Variants in TMCO1 observed in about 807,000 individuals in gnomAD.
TMCO1 encodes the protein transmembrane and coiled-coil domains 1.
In TMCO1, 29 loss-of-function variants were observed where a neutral mutation model predicts 29.3. The observed-to-expected ratio is 0.99, with a 90% CI of 0.74 to 1.35. The LOEUF is 1.35. TMCO1 is among the 40% of genes most tolerant of loss of function. The probability of loss-of-function intolerance (pLI) is 0.00; values close to 1 mark genes in which losing one functional copy is unlikely to be tolerated. For synonymous variants in TMCO1, 80 were observed against 77.1 expected (o/e 1.04, Z -0.20); for missense variants, 173 against 225.5 (o/e 0.77, Z 1.49).
At chr1:165,745,067 C>T (rs898708970) in intron 5 of TMCO1, among the ~76,000 whole-genome samples, 1 of 151,960 alleles carries the variant, frequency 6.6e-6, no homozygotes, top group South Asian at 2.1e-4. Flanking sequence ...GTCATTCAGG[C>T]TGGAATGCAG....
At chr1:165,767,643 C>T (rs7518099) in intron 2 of TMCO1, among the ~76,000 whole-genome samples, 135,907 of 152,268 alleles carry the variant, frequency 0.89, 60,767 homozygotes, top group East Asian at 0.99. Flanking sequence ...CCATCAGCAT[C>T]ATGAAGGCTA....
At chr1:165,739,782 C>T (rs1235658942) in intron 6 of TMCO1, among the ~76,000 whole-genome samples, 2 of 151,714 alleles carry the variant, frequency 1.3e-5, no homozygotes, top group Non-Finnish European at 1.5e-5. Context: ...ACTATTGATC[C>T]ATCACAAGTA....
chr1:165,736,725 A>AG (rs199683966), intron 6 of TMCO1, among the ~76,000 whole-genome samples: 2 of 139,716 alleles, frequency 1.4e-5, no homozygotes, highest in Non-Finnish European at 3.2e-5. Context: ...CATCTCAAAA[A>AG]AAAAAAAAAC....
intron 5 of TMCO1, among the ~76,000 whole-genome samples, chr1:165,750,841 G>GA (rs1472013461): frequency 4.0e-5 from 6 of 151,798 alleles, no homozygotes; most frequent in African/African-American, 1.5e-4. Context: ...AGGCCTGGGT[G>GA]GGAGGATCAC....
chr1:165,730,189 A>G (rs1651091238), intron 6 of TMCO1, among the ~76,000 whole-genome samples: 1 of 146,436 alleles, frequency 6.8e-6, no homozygotes, highest in Non-Finnish European at 1.5e-5. Flanking sequence ...AAAAAAAATT[A>G]GCCGGGAGAG....
At chr1:165,745,143 C>T (rs1651745811) in intron 5 of TMCO1, among the ~76,000 whole-genome samples, 2 of 151,722 alleles carry the variant, frequency 1.3e-5, no homozygotes, top group Non-Finnish European at 2.9e-5. Flanking sequence ...GCCTCAGCCT[C>T]CCAGGAAGGT....
chr1:165,750,553 GAA>G (rs60005937), intron 5 of TMCO1, among the ~76,000 whole-genome samples: 11 of 102,022 alleles, frequency 1.1e-4, no homozygotes, highest in African/African-American at 3.0e-4. Context: ...AAAAAAAAAA[GAA>G]AAAAAAAAAA....
At chr1:165,757,725 T>C (rs1230825883) in intron 3 of TMCO1, among the ~76,000 whole-genome samples, 1 of 152,222 alleles carries the variant, frequency 6.6e-6, no homozygotes, top group Non-Finnish European at 1.5e-5. Context: ...CTTGAACTCC[T>C]GACCTCAGGT....
At chr1:165,760,670 G>A (rs181348113) in intron 2 of TMCO1, among the ~76,000 whole-genome samples, 337 of 151,970 alleles carry the variant, frequency 2.2e-3, no homozygotes, top group Middle Eastern at 6.8e-3. Context: ...GGCATGTGGC[G>A]CGTGCCTGTA....
At chr1:165,761,252 AG>A (rs1652392432) in intron 2 of TMCO1, among the ~76,000 whole-genome samples, 1 of 152,150 alleles carries the variant, frequency 6.6e-6, no homozygotes, top group South Asian at 2.1e-4. Flanking sequence ...GGTAAGATAC[AG>A]GCCAGGCATG....
intron 6 of TMCO1, among the ~76,000 whole-genome samples, chr1:165,738,435 T>G (rs1651468550): frequency 6.6e-6 from 1 of 152,158 alleles, no homozygotes; most frequent in Admixed American, 6.5e-5. Context: ...CAGGCAACCA[T>G]AGAGTCAATT....
chr1:165,742,268 C>A (rs1360765948), intron 6 of TMCO1, among the ~76,000 whole-genome samples: 3 of 147,422 alleles, frequency 2.0e-5, no homozygotes, highest in Middle Eastern at 3.6e-3. Flanking sequence ...GGCTCCCCCC[C>A]TTTTCTTTTT....
At position 165,727,970 on chromosome 1, in the gene TMCO1, G is replaced by A. The variant is rs764294913; in HGVS notation, c.*53C>T. On this transcript the variant is annotated 3_prime_UTR_variant, in exon 7 of 7. Transcript: ENST00000367881. ...GGCTCTTGCTACAAAACAGTTGCCA[G>A]TCTGATGTGTGTGTGTCTAGAAAGA... 38 of 1,395,348 alleles carry A rather than the reference G, an allele frequency of 2.7e-5. No homozygotes were observed. Among genetic ancestry groups the A allele is most frequent in the Non-Finnish European group, 3.7e-5 (37 of 994,656 alleles). 86.4% of individuals were successfully genotyped at this position (1,395,348 alleles called of 1,614,324 possible).
intron 6 of TMCO1, 96 bp downstream of exon 6, chr1:165,743,071 C>G: frequency 6.8e-7 from 1 of 1,468,814 alleles, no homozygotes; most frequent in Non-Finnish European, 9.5e-7. Flanking sequence ...AACTCAGGAA[C>G]AATGGGTAAA....
At chr1:165,736,862 C>T (rs1374632258) in intron 6 of TMCO1, among the ~76,000 whole-genome samples, 2 of 152,164 alleles carry the variant, frequency 1.3e-5, no homozygotes, top group East Asian at 3.8e-4. Flanking sequence ...AATGCAAAGG[C>T]GCGATCACAG....
Position 165,759,604 on chromosome 1 carries a change from A to G in TMCO1, c.149-20T>C, listed in dbSNP as rs1160207571. The G allele has an allele frequency of 1.9e-6, 3 of 1,604,566 alleles. No individual in the cohort carries two copies. The highest frequency in any genetic ancestry group is 1.7e-5 in the Admixed American group (1 of 59,952). Reference sequence around the variant, plus strand: ...TTTCCACTGTAAACAACATAGTAACACAGTAAAAATTAACTGGATTATACT... The same window carrying G: ...TTTCCACTGTAAACAACATAGTAACGCAGTAAAAATTAACTGGATTATACT... On this transcript the variant is annotated intron_variant, in intron 2 of 6. Transcript: ENST00000367881.
intron 6 of TMCO1, among the ~76,000 whole-genome samples, chr1:165,739,398 T>TA (rs1308338209): frequency 6.6e-6 from 1 of 150,838 alleles, no homozygotes; most frequent in Non-Finnish European, 1.5e-5. Flanking sequence ...CCTAAATAAT[T>TA]TTTTTTTGAG....
intron 2 of TMCO1, among the ~76,000 whole-genome samples, chr1:165,767,174 T>C (rs746523363): frequency 3.5e-5 from 5 of 141,874 alleles, no homozygotes; most frequent in African/African-American, 1.3e-4. Context: ...AGATCAAATA[T>C]GGTAATTTAA....
intron 3 of TMCO1, among the ~76,000 whole-genome samples, chr1:165,756,492 C>T (rs1236982376): frequency 6.6e-6 from 1 of 152,046 alleles, no homozygotes; most frequent in Non-Finnish European, 1.5e-5. Flanking sequence ...ATTTGGAATA[C>T]AACAAAACAA....
Sources: gnomAD v4.1 joint callset for allele counts (sites outside exome capture counted in the v4.1 genomes callset) on GRCh38, gnomAD v4.1.1 for gene constraint, MANE v1.5 for transcripts, NCBI Gene and HGNC (gene_info 2026-07-23, HGNC 2026-07-21) for gene names.